RASGRF2: variants seen among roughly 807,000 people sequenced by gnomAD.
RASGRF2 encodes the protein ras-specific guanine nucleotide-releasing factor 2.
In RASGRF2, 76 loss-of-function variants were observed where a neutral mutation model predicts 151.0. That is an observed-to-expected ratio of 0.50 (90% CI 0.42 to 0.61). The LOEUF (loss-of-function observed/expected upper bound fraction) is 0.61. Among genes scored for constraint, RASGRF2 ranks in the 20% least tolerant of loss-of-function variants. The pLI is 0.00. For synonymous variants in RASGRF2, 504 were observed against 566.5 expected (o/e 0.89, Z 1.57); for missense variants, 1,148 against 1,564.6 (o/e 0.73, Z 4.49).
At chr5:81,019,692 A>G (rs1212933204) in intron 1 of RASGRF2, 1 of 152,238 alleles carries the variant, frequency 6.6e-6, no homozygotes, top group East Asian at 1.9e-4. Flanking sequence ...ATGCTTTTAA[A>G]GAAAACCAAA....
chr5:81,017,970 A>G (rs768912738), intron 1 of RASGRF2, among the ~76,000 whole-genome samples: 5 of 152,022 alleles, frequency 3.3e-5, no homozygotes, highest in Non-Finnish European at 5.9e-5. Context: ...TTAGCCGGAC[A>G]TGGTGACGGG....
At chr5:80,973,593 G>A (rs1425078235) in intron 1 of RASGRF2, among the ~76,000 whole-genome samples, 1 of 152,210 alleles carries the variant, frequency 6.6e-6, no homozygotes, top group African/African-American at 2.4e-5. Flanking sequence ...GAGCCAACCA[G>A]GCTGGCCTGG....
At chr5:81,089,357 C>T (rs1026512559) in intron 9 of RASGRF2, among the ~76,000 whole-genome samples, 16 of 151,872 alleles carry the variant, frequency 1.1e-4, no homozygotes, top group South Asian at 2.1e-4. Context: ...TGTGTGCATG[C>T]GTGCATGTGT....
chr5:81,060,912 A>G (rs1415264871), intron 2 of RASGRF2, among the ~76,000 whole-genome samples: 1 of 152,150 alleles, frequency 6.6e-6, no homozygotes, highest in African/African-American at 2.4e-5. Context: ...TATGTCTCTC[A>G]TTAGAGTACC....
intron 1 of RASGRF2, among the ~76,000 whole-genome samples, chr5:81,000,813 A>G (rs1233696250): frequency 6.6e-6 from 1 of 152,296 alleles, no homozygotes; most frequent in East Asian, 1.9e-4. Context: ...GCTCTGTTCA[A>G]TCTGGATTTC....
At chr5:81,045,100 C>A (rs1750796637) in intron 2 of RASGRF2, among the ~76,000 whole-genome samples, 1 of 152,128 alleles carries the variant, frequency 6.6e-6, no homozygotes, top group African/African-American at 2.4e-5. Context: ...AGGACTAATG[C>A]AGAATGACTT....
At chr5:81,149,385 C>A (rs901555778) in intron 17 of RASGRF2, among the ~76,000 whole-genome samples, 2 of 152,070 alleles carry the variant, frequency 1.3e-5, no homozygotes, top group African/African-American at 4.8e-5. Flanking sequence ...GAATGGAGAA[C>A]CAAACATCGT....
At chr5:81,204,899 T>A (rs936272517) in intron 19 of RASGRF2, among the ~76,000 whole-genome samples, 2 of 152,208 alleles carry the variant, frequency 1.3e-5, no homozygotes, top group Non-Finnish European at 2.9e-5. Context: ...ACTTTTTGAC[T>A]TTTTCTTTCC....
At chr5:81,040,571 G>A (rs1018048677) in intron 1 of RASGRF2, among the ~76,000 whole-genome samples, 1 of 152,224 alleles carries the variant, frequency 6.6e-6, no homozygotes, top group African/African-American at 2.4e-5. Flanking sequence ...CCCTTCATAT[G>A]TCCTGATGTT....
Position 81,112,692 on chromosome 5 carries a change from T to A in RASGRF2, c.1921T>A (p.Tyr641Asn). Residue 641 changes from tyrosine to asparagine, a missense_variant, in exon 14 of 27, where the codon TAT (tyrosine) becomes AAT (asparagine). Physicochemically the swap from Tyr to Asn is moderately radical, Grantham distance 143. Around this residue, in one of 5 missense-constraint regions of RASGRF2, gnomAD observed 646 missense variants for 807.4 expected, o/e 0.80. Transcript: ENST00000265080. ...LNSCKVPQIR[Y>N]ASVERLLERL... ...CTCCTGCAAAGTGCCCCAGATCCGTTATGCCAGCGTGGAGCGCCTCTTGGA... is the reference window on the plus strand; with the variant it reads ...CTCCTGCAAAGTGCCCCAGATCCGTAATGCCAGCGTGGAGCGCCTCTTGGA... The A allele has an allele frequency of 6.2e-7, 1 of 1,614,186 alleles. No homozygotes were observed. The highest frequency in any genetic ancestry group is 1.1e-5 in the South Asian group (1 of 91,072).
chr5:81,203,010 C>T (rs1406442739), intron 19 of RASGRF2, among the ~76,000 whole-genome samples: 1 of 152,202 alleles, frequency 6.6e-6, no homozygotes, highest in African/African-American at 2.4e-5. Context: ...ATTAAGGCAG[C>T]CCTAGGAAAC....
In RASGRF2 at chr5:80,960,662, C is replaced by T. The variant is rs1267061417; in HGVS notation, c.-77C>T. The T allele has an allele frequency of 7.8e-7, 1 of 1,275,388 alleles. No homozygotes were observed. Among genetic ancestry groups the T allele is most frequent in the East Asian group, 3.0e-5 (1 of 33,020 alleles). The allele number at this position is 1,275,388 out of a possible 1,614,324, so 79.0% of individuals were successfully genotyped here. ...GCCGGGACCTGAGCGGTCGCGCCCT[C>T]GAGGGAGCCAGCTGGGCCATGGCCG... On this transcript the variant is annotated 5_prime_UTR_variant, in exon 1 of 27. Coordinates refer to ENST00000265080, the MANE Select transcript of RASGRF2 (RefSeq NM_006909.3). This position sits in a 1 kb window ranked among gnomAD's most constrained non-coding sequence, Gnocchi z 5.5.
At chr5:81,103,901 G>A (rs1333378054) in intron 12 of RASGRF2, among the ~76,000 whole-genome samples, 4 of 151,766 alleles carry the variant, frequency 2.6e-5, no homozygotes, top group East Asian at 1.9e-4. Flanking sequence ...ATGAATGAAC[G>A]AACTATGCAT....
At chr5:81,187,456 CAAG>C (rs1283678315) in intron 18 of RASGRF2, among the ~76,000 whole-genome samples, 1 of 152,188 alleles carries the variant, frequency 6.6e-6, no homozygotes, top group Admixed American at 6.5e-5. Context: ...TCCTCTGAAA[CAAG>C]AACCCGACCG....
chr5:81,106,182 C>A, intron 12 of RASGRF2, among the ~76,000 whole-genome samples: 1 of 152,100 alleles, frequency 6.6e-6, no homozygotes, highest in East Asian at 1.9e-4. Context: ...TTAAAATTGC[C>A]TTATAACCAT....
At position 81,198,163 on chromosome 5, in the gene RASGRF2, A is replaced by G. The variant is rs145666517; in HGVS notation, c.2794-3167A>G. 8.4e-4 allele frequency among the ~76,000 whole-genome samples: 127 copies of G among 151,782 alleles called. 1 individual carries two copies. The highest frequency in any genetic ancestry group is 2.9e-3 in the African/African-American group (119 of 41,368). On this transcript the variant is annotated intron_variant, in intron 18 of 26. Coordinates refer to ENST00000265080, the MANE Select transcript of RASGRF2 (RefSeq NM_006909.3). ...ATTTTTATTTTAGTTCAGGGGATAC[A>G]TGTGCAGGTTTTGTGTGGCGCTGAG...
At chr5:81,040,613 T>A (rs533278885) in intron 1 of RASGRF2, among the ~76,000 whole-genome samples, 9 of 152,364 alleles carry the variant, frequency 5.9e-5, no homozygotes, top group African/African-American at 1.9e-4. Flanking sequence ...CTTGGTGCCC[T>A]GCACAGGGCC....
intron 17 of RASGRF2, among the ~76,000 whole-genome samples, chr5:81,157,804 G>A (rs954825235): frequency 3.9e-5 from 6 of 152,124 alleles, no homozygotes; most frequent in African/African-American, 1.4e-4. Flanking sequence ...TCACTATCAC[G>A]AGAAGAACAT....
At chr5:81,091,000 C>G (rs1029438191) in intron 9 of RASGRF2, among the ~76,000 whole-genome samples, 1 of 152,142 alleles carries the variant, frequency 6.6e-6, no homozygotes, top group African/African-American at 2.4e-5. Flanking sequence ...GCTCATGGCC[C>G]CCATGGCAGA....
Sources: allele counts gnomAD v4.1 joint callset (sites outside exome capture counted in the v4.1 genomes callset), GRCh38; gene constraint gnomAD v4.1.1; regional missense constraint gnomAD v4.1.1; non-coding constraint Gnocchi (gnomAD v3.1); transcripts MANE v1.5; gene names NCBI Gene and HGNC (gene_info 2026-07-23, HGNC 2026-07-21).